Variants in MAPRE2 observed in about 807,000 individuals in gnomAD.
MAPRE2 encodes microtubule-associated protein RP/EB family member 2.
A neutral mutation model predicts 43.2 loss-of-function variants in MAPRE2; 13 were observed. The observed-to-expected ratio is 0.30, with a 90% CI of 0.20 to 0.48. The LOEUF (loss-of-function observed/expected upper bound fraction) is 0.48. Among genes scored for constraint, MAPRE2 ranks in the 20% least tolerant of loss-of-function variants. MAPRE2 has a pLI of 0.99. For synonymous variants in MAPRE2, 135 were observed against 148.8 expected, an observed-to-expected ratio of 0.91 and a Z score of 0.68; for missense variants, 161 against 400.2, an observed-to-expected ratio of 0.40 and a Z score of 5.10.
intron 2 of MAPRE2, among the ~76,000 whole-genome samples, chr18:35,028,610 A>T (rs1399212032): frequency 8.5e-5 from 13 of 152,222 alleles, no homozygotes; most frequent in Admixed American, 4.6e-4. Context: ...CTATCTCTGC[A>T]TCAATCCTCA....
chr18:35,127,176 A>G (rs1909946225), intron 5 of MAPRE2, 89 bp downstream of exon 5: 1 of 1,377,470 alleles, frequency 7.3e-7, no homozygotes, highest in African/African-American at 1.4e-5. Flanking sequence ...GGGGTAAGGG[A>G]GGGAAGGGTA....
chr18:35,071,213 G>A (rs1907101828), intron 2 of MAPRE2, among the ~76,000 whole-genome samples: 1 of 152,108 alleles, frequency 6.6e-6, no homozygotes. Flanking sequence ...ATAGGAGGAT[G>A]TTTTAAAAAA....
intron 4 of MAPRE2, among the ~76,000 whole-genome samples, chr18:35,123,458 T>A (rs1909776673): frequency 6.6e-6 from 1 of 152,190 alleles, no homozygotes; most frequent in African/African-American, 2.4e-5. Flanking sequence ...GGAAGCCCCC[T>A]CTGCAAGGCT....
At chr18:34,980,238 C>T (rs760689108) in intron 1 of MAPRE2, among the ~76,000 whole-genome samples, 77 of 151,714 alleles carry the variant, frequency 5.1e-4, no homozygotes, top group Admixed American at 1.4e-3. Flanking sequence ...TTGGCCAGGC[C>T]GGTCTTGAAC....
intron 2 of MAPRE2, among the ~76,000 whole-genome samples, chr18:35,081,178 A>G (rs572277025): frequency 2.0e-5 from 3 of 152,342 alleles, no homozygotes; most frequent in African/African-American, 7.2e-5. Context: ...ACTATTTAAA[A>G]ACCTCACAGA....
chr18:35,110,974 CTG>C (rs1187366612), intron 4 of MAPRE2, among the ~76,000 whole-genome samples: 1 of 152,080 alleles, frequency 6.6e-6, no homozygotes, highest in Non-Finnish European at 1.5e-5. Flanking sequence ...CTTCCTGAGT[CTG>C]TGAATTTATG....
intron 3 of MAPRE2, among the ~76,000 whole-genome samples, chr18:35,098,399 A>G (rs1908521426): frequency 6.6e-6 from 1 of 152,244 alleles, no homozygotes; most frequent in Admixed American, 6.5e-5. Context: ...GGCTATGGAA[A>G]TGAAAAATAA....
intron 1 of MAPRE2, among the ~76,000 whole-genome samples, chr18:34,993,210 C>A (rs570356215): frequency 5.3e-5 from 8 of 151,900 alleles, no homozygotes; most frequent in African/African-American, 1.9e-4. Context: ...GCTCAAGTGA[C>A]CCTCCCAAGT....
At chr18:35,139,018 C>T (rs1910509520) in intron 6 of MAPRE2, among the ~76,000 whole-genome samples, 2 of 152,106 alleles carry the variant, frequency 1.3e-5, no homozygotes, top group Non-Finnish European at 2.9e-5. Context: ...TCCCTGACCT[C>T]AGTAACCTCA....
chr18:35,045,880 T>C (rs1905596306), intron 1 of MAPRE2, among the ~76,000 whole-genome samples: 1 of 152,244 alleles, frequency 6.6e-6, no homozygotes, highest in African/African-American at 2.4e-5. Context: ...GAAGATTACT[T>C]GATGCTTTAG....
intron 2 of MAPRE2, among the ~76,000 whole-genome samples, chr18:35,086,289 A>G (rs746131446): frequency 9.9e-5 from 15 of 151,912 alleles, no homozygotes; most frequent in Admixed American, 2.6e-4. Context: ...TGAGATACAT[A>G]TATAGATATG....
At chr18:35,120,128 T>G (rs530301981) in intron 4 of MAPRE2, among the ~76,000 whole-genome samples, 2 of 152,254 alleles carry the variant, frequency 1.3e-5, no homozygotes, top group East Asian at 3.9e-4. Flanking sequence ...CTAAGAAGGC[T>G]CTCTGGCTGC....
At chr18:35,012,903 G>A (rs79390346) in intron 2 of MAPRE2, among the ~76,000 whole-genome samples, 1 of 152,136 alleles carries the variant, frequency 6.6e-6, no homozygotes, top group Non-Finnish European at 1.5e-5. Flanking sequence ...GTAAAATTTT[G>A]TTATATGCAT....
chr18:35,017,406 T>C (rs2097039117), intron 2 of MAPRE2, among the ~76,000 whole-genome samples: 1 of 152,014 alleles, frequency 6.6e-6, no homozygotes, highest in Non-Finnish European at 1.5e-5. Flanking sequence ...AGTGTGGCCA[T>C]TTTAACAATA....
At chr18:35,084,339 A>G (rs148514549) in intron 2 of MAPRE2, among the ~76,000 whole-genome samples, 4 of 152,340 alleles carry the variant, frequency 2.6e-5, no homozygotes, top group African/African-American at 9.6e-5. Flanking sequence ...TGTTGAAAGC[A>G]GGTTATAAAC....
At chr18:35,129,863 A>G (rs1451407457) in intron 5 of MAPRE2, among the ~76,000 whole-genome samples, 8 of 152,210 alleles carry the variant, frequency 5.3e-5, no homozygotes, top group Non-Finnish European at 1.0e-4. Context: ...CCATAACCCA[A>G]GAGGGATGAG....
chr18:35,002,177 T>C (rs2097029705), intron 1 of MAPRE2, among the ~76,000 whole-genome samples: 1 of 152,230 alleles, frequency 6.6e-6, no homozygotes, highest in Admixed American at 6.5e-5. Context: ...GTTAGATAAA[T>C]GGAATTATGC....
intron 1 of MAPRE2, among the ~76,000 whole-genome samples, chr18:34,996,012 A>G (rs1257751703): frequency 1.3e-5 from 2 of 152,172 alleles, no homozygotes; most frequent in Non-Finnish European, 2.9e-5. Flanking sequence ...TCATAAAGTC[A>G]GGAAAGCGCT....
intron 5 of MAPRE2, 160 bp downstream of exon 5, chr18:35,127,247 G>A (rs145600527): frequency 1.0e-5 from 7 of 682,924 alleles, no homozygotes; most frequent in African/African-American, 9.0e-5. Context: ...GACAAAATCA[G>A]TAGCCCATGA....
Sources: allele counts gnomAD v4.1 joint callset (sites outside exome capture counted in the v4.1 genomes callset), GRCh38; gene constraint gnomAD v4.1.1; transcripts MANE v1.5; gene names NCBI Gene and HGNC (gene_info 2026-07-23, HGNC 2026-07-21).